Variants in JPH3 observed in about 807,000 individuals in gnomAD.
JPH3 encodes the protein junctophilin 3, also known as junctophilin-3.
JPH3 carries 11 observed loss-of-function variants against 59.6 expected under a neutral mutation model. The observed-to-expected ratio is 0.18, with a 90% CI of 0.12 to 0.31. JPH3 has a LOEUF of 0.31. JPH3 is among the 10% of genes least tolerant of loss of function. The pLI, the probability that JPH3 is intolerant of heterozygous loss-of-function variation, is 1.00. For synonymous variants in JPH3, 673 were observed against 483.6 expected, an observed-to-expected ratio of 1.39 and a Z score of -5.14; for missense variants, 1,202 against 1,105.7, an observed-to-expected ratio of 1.09 and a Z score of -1.24.
chr16:87,620,457 A>AGAGAGGGAGAGAAGGAGAG (rs2031135581), intron 1 of JPH3, among the ~76,000 whole-genome samples: 13 of 94,894 alleles, frequency 1.4e-4, no homozygotes, highest in African/African-American at 4.0e-4. Context: ...AGAGAGAAGG[A>AGAGAGGGAGAGAAGGAGAG]GAGAGAGGGA....
At chr16:87,695,419 A>G (rs906573100) in intron 4 of JPH3, 6 of 455,972 alleles carry the variant, frequency 1.3e-5, no homozygotes, top group African/African-American at 1.2e-4. Context: ...TGTGTCGCAC[A>G]GCAGCAGGAT....
chr16:87,675,640 G>T (rs561753495), intron 2 of JPH3, among the ~76,000 whole-genome samples: 66 of 152,352 alleles, frequency 4.3e-4, no homozygotes, highest in Middle Eastern at 3.4e-3. Context: ...TGCTCCGGGA[G>T]TGTGGCTTTC....
intron 2 of JPH3, among the ~76,000 whole-genome samples, chr16:87,680,745 A>G (rs1280636108): frequency 1.3e-5 from 2 of 152,198 alleles, no homozygotes; most frequent in African/African-American, 2.4e-5. Context: ...CTCATTTATG[A>G]CAAACCGCTG....
intron 1 of JPH3, among the ~76,000 whole-genome samples, chr16:87,638,964 C>T (rs929940466): frequency 6.6e-6 from 1 of 152,162 alleles, no homozygotes; most frequent in Non-Finnish European, 1.5e-5. Flanking sequence ...AGCCTTGGCA[C>T]CTGGGGAGGA....
intron 2 of JPH3, among the ~76,000 whole-genome samples, chr16:87,666,526 C>G (rs1260776740): frequency 6.6e-6 from 1 of 151,948 alleles, no homozygotes; most frequent in Non-Finnish European, 1.5e-5. Flanking sequence ...TAAGCAGCTG[C>G]AACTACAGGT....
intron 1 of JPH3, among the ~76,000 whole-genome samples, chr16:87,643,214 G>A (rs2032013002): frequency 6.6e-6 from 1 of 152,240 alleles, no homozygotes. Context: ...CAGCCTGTGT[G>A]AGAATGTTCT....
At chr16:87,661,451 G>A (rs1003708259) in intron 2 of JPH3, among the ~76,000 whole-genome samples, 13 of 152,248 alleles carry the variant, frequency 8.5e-5, no homozygotes, top group Non-Finnish European at 4.4e-5. Flanking sequence ...GATAGCAGTG[G>A]ACTCTCTTTA....
At chr16:87,648,048 C>A (rs972058539) in intron 2 of JPH3, among the ~76,000 whole-genome samples, 24 of 152,190 alleles carry the variant, frequency 1.6e-4, no homozygotes, top group Admixed American at 3.3e-4. Flanking sequence ...GTTGCACCAT[C>A]TCCATTGGTG....
chr16:87,679,083 A>G (rs1392999089), intron 2 of JPH3, among the ~76,000 whole-genome samples: 1 of 152,194 alleles, frequency 6.6e-6, no homozygotes, highest in Non-Finnish European at 1.5e-5. Flanking sequence ...CCCCAGGCGC[A>G]GACCTGGGCA....
chr16:87,608,482 C>CA (rs2030610340), intron 1 of JPH3, among the ~76,000 whole-genome samples: 1 of 152,162 alleles, frequency 6.6e-6, no homozygotes, highest in African/African-American at 2.4e-5. Context: ...TGTGAGAGGC[C>CA]ATGCGGTGGA....
At chr16:87,689,144 G>C (rs1191734861) in intron 3 of JPH3, among the ~76,000 whole-genome samples, 2 of 152,116 alleles carry the variant, frequency 1.3e-5, no homozygotes, top group Admixed American at 6.5e-5. Context: ...GGGCTCTCAC[G>C]CTGGCCCCGG....
intron 2 of JPH3, among the ~76,000 whole-genome samples, chr16:87,653,189 A>C (rs755622680): frequency 2.0e-5 from 3 of 152,164 alleles, no homozygotes; most frequent in Non-Finnish European, 4.4e-5. Context: ...ATGTCCTCTG[A>C]ACAGTGTGGC....
chr16:87,684,052 C>T (rs1322548609), intron 2 of JPH3, 90 bp from the exon 3 acceptor site: 29 of 907,280 alleles, frequency 3.2e-5, no homozygotes, highest in East Asian at 5.0e-5. Flanking sequence ...TAGCCCAGCC[C>T]GTTGTTGGGG....
At chr16:87,619,329 A>AAG (rs397778526) in intron 1 of JPH3, among the ~76,000 whole-genome samples, 1 of 147,104 alleles carries the variant, frequency 6.8e-6, no homozygotes, top group Non-Finnish European at 1.5e-5. Flanking sequence ...AAAAAAAAAA[A>AAG]GAAGGATTAT....
At chr16:87,616,800 T>C (rs1303047275) in intron 1 of JPH3, among the ~76,000 whole-genome samples, 1 of 152,242 alleles carries the variant, frequency 6.6e-6, no homozygotes, top group Non-Finnish European at 1.5e-5. Context: ...GCCTCTGAGC[T>C]GTTCTCCATT....
At chr16:87,686,825 T>G (rs1409075431) in intron 3 of JPH3, among the ~76,000 whole-genome samples, 1 of 152,184 alleles carries the variant, frequency 6.6e-6, no homozygotes, top group Admixed American at 6.5e-5. Flanking sequence ...ATGATACAGA[T>G]GCGGGCCCCT....
intron 1 of JPH3, among the ~76,000 whole-genome samples, chr16:87,623,395 C>A (rs2031260291): frequency 6.6e-6 from 1 of 152,200 alleles, no homozygotes; most frequent in African/African-American, 2.4e-5. Flanking sequence ...CCAGCCAGGG[C>A]AGGACCTGGG....
chr16:87,637,230 C>G (rs1391216088), intron 1 of JPH3, among the ~76,000 whole-genome samples: 1 of 152,230 alleles, frequency 6.6e-6, no homozygotes. Context: ...TTACAATATG[C>G]AATTCAGTGG....
intron 1 of JPH3, among the ~76,000 whole-genome samples, chr16:87,615,433 G>A (rs562091986): frequency 1.0e-3 from 153 of 152,292 alleles, no homozygotes; most frequent in Non-Finnish European, 1.7e-3. Flanking sequence ...CTCCCAGCTC[G>A]GCATGGACTT....
Sources: gnomAD v4.1 joint callset for allele counts (sites outside exome capture counted in the v4.1 genomes callset) on GRCh38, gnomAD v4.1.1 for gene constraint, MANE v1.5 for transcripts, NCBI Gene and HGNC (gene_info 2026-07-23, HGNC 2026-07-21) for gene names.